The following MYZAP variants were observed in gnomAD, a reference collection of about 807,000 sequenced individuals.
MYZAP encodes GRINL1A complex locus upstream.
In MYZAP, 66 loss-of-function variants were observed where a neutral mutation model predicts 69.4. The ratio of observed to expected loss-of-function variants is 0.95; its 90% CI spans 0.78 to 1.17. The LOEUF (loss-of-function observed/expected upper bound fraction) is 1.17, where lower values mean the gene tolerates loss of function less well. Ranked by LOEUF, MYZAP falls within the 50% of genes most tolerant of loss-of-function variation. The probability of loss-of-function intolerance (pLI) is 0.00; values close to 1 mark genes in which losing one functional copy is unlikely to be tolerated. For missense variants in MYZAP, 611 were observed against 556.2 expected, an observed-to-expected ratio of 1.10 and a Z score of -0.99; for synonymous variants, 256 against 205.9, an observed-to-expected ratio of 1.24 and a Z score of -2.09.
intron 10 of MYZAP, among the ~76,000 whole-genome samples, chr15:57,656,913 ATCCTACTCCTGTCC>A (rs2038037726): frequency 6.6e-6 from 1 of 152,122 alleles, no homozygotes; most frequent in South Asian, 2.1e-4. Context: ...GCACCCTCAA[ATCCTACTCCTGTCC>A]AGCTCCTTCT....
chr15:57,621,347 A>G (rs1468279462), intron 3 of MYZAP, among the ~76,000 whole-genome samples: 1 of 151,438 alleles, frequency 6.6e-6, no homozygotes, highest in African/African-American at 2.4e-5. Flanking sequence ...AGTAGCTGGG[A>G]CTACAGGTGC....
intron 10 of MYZAP, among the ~76,000 whole-genome samples, chr15:57,654,372 G>C (rs1228590493): frequency 6.6e-6 from 1 of 151,970 alleles, no homozygotes; most frequent in East Asian, 1.9e-4. Flanking sequence ...GCAGGAGGGG[G>C]AGTTGATTCT....
At chr15:57,674,558 T>C (rs1399753311) in intron 11 of MYZAP, among the ~76,000 whole-genome samples, 1 of 152,214 alleles carries the variant, frequency 6.6e-6, no homozygotes, top group African/African-American at 2.4e-5. Flanking sequence ...GTGATAAATA[T>C]CTAAATGCCC....
intron 2 of MYZAP, among the ~76,000 whole-genome samples, chr15:57,617,364 G>A (rs1465488714): frequency 3.9e-5 from 6 of 152,050 alleles, no homozygotes; most frequent in Non-Finnish European, 7.4e-5. Context: ...GCGTGTTAAG[G>A]CTTGGACATG....
At position 57,629,690 on chromosome 15, in the gene MYZAP, T is replaced by G. The variant is rs755738804; in HGVS notation, c.526-12T>G. 7 of 1,604,394 alleles carry G rather than the reference T, an allele frequency of 4.4e-6. No homozygotes were observed. In the South Asian group the frequency reaches 7.8e-5, roughly 18 times the overall value. ...ACCGGATCTGGTTTTGTTTTTATTT[T>G]CATCCTCACAGAAAACCCTCGTGGA... On this transcript the variant is annotated splice_polypyrimidine_tract_variant and intron_variant, in intron 5 of 12. Coordinates refer to ENST00000267853, the MANE Select transcript of MYZAP (RefSeq NM_001018100.5).
intron 5 of MYZAP, among the ~76,000 whole-genome samples, chr15:57,626,700 T>C (rs1368257492): frequency 6.6e-6 from 1 of 152,222 alleles, no homozygotes; most frequent in African/African-American, 2.4e-5. Flanking sequence ...CAAAACCTAT[T>C]TCAAATCCTT....
chr15:57,680,150 G>A (rs1467334935), intron 12 of MYZAP, among the ~76,000 whole-genome samples: 8 of 152,106 alleles, frequency 5.3e-5, no homozygotes, highest in African/African-American at 1.4e-4. Context: ...ATATTTCTGT[G>A]GCTGCAGCCA....
chr15:57,646,700 T>C, intron 10 of MYZAP: 1 of 987,850 alleles, frequency 1.0e-6, no homozygotes, highest in Non-Finnish European at 1.2e-6. Context: ...TATTTGTATA[T>C]GGGAGGTGGC....
At position 57,684,902 on chromosome 15, in the gene MYZAP, A is replaced by G. The variant is rs2039620136; in HGVS notation, c.*404A>G. 6.3e-6 allele frequency: 1 copy of G among 157,722 alleles called. No homozygotes were observed. Among genetic ancestry groups the G allele is most frequent in the African/African-American group, 2.4e-5 (1 of 41,496 alleles). 9.8% of individuals were successfully genotyped at this position (157,722 alleles called of 1,614,324 possible). Reference sequence around the variant, plus strand: ...TAGAGCATGAAGGTTTTGTTTACCCATAAAAGTATTAGAGGCAGCGTTTCT... The same window carrying G: ...TAGAGCATGAAGGTTTTGTTTACCCGTAAAAGTATTAGAGGCAGCGTTTCT... On this transcript the variant is annotated 3_prime_UTR_variant, in exon 13 of 13. Transcript: ENST00000267853.
rs71950892 is a variant in MYZAP at position 57,680,485 on chromosome 15, TCACACA to T, written c.1305-3890_1305-3885del. Among the ~76,000 whole-genome samples, 117 of 143,050 alleles carry T rather than the reference TCACACA, an allele frequency of 8.2e-4. 1 individual carries two copies. The highest frequency in any genetic ancestry group is 2.4e-3 in the Admixed American group (35 of 14,818). 93.8% of individuals were successfully genotyped at this position (143,050 alleles called of 152,430 possible). ...GGGGACTCACTGTGGGTTCAGGAGT[TCACACA>T]CACACACACACACACACACACACAC... On this transcript the variant is annotated intron_variant, in intron 12 of 12. Transcript: ENST00000267853.
chr15:57,673,418 CTT>C (rs1161790822), intron 11 of MYZAP, among the ~76,000 whole-genome samples: 8 of 150,412 alleles, frequency 5.3e-5, no homozygotes, highest in African/African-American at 2.0e-4. Context: ...CTCACTGTCT[CTT>C]TCTCTCTCTC....
At chr15:57,642,979 A>G (rs1239731655) in intron 10 of MYZAP, among the ~76,000 whole-genome samples, 1 of 152,146 alleles carries the variant, frequency 6.6e-6, no homozygotes, top group African/African-American at 2.4e-5. Context: ...TTTCTGTGAA[A>G]TGTGGAACCA....
intron 1 of MYZAP, among the ~76,000 whole-genome samples, chr15:57,603,311 C>CTT (rs11383185): frequency 2.7e-5 from 4 of 149,960 alleles, no homozygotes; most frequent in Non-Finnish European, 5.9e-5. Context: ...GCAGGGACAG[C>CTT]TTTTTTTTTT....
At chr15:57,667,607 G>C (rs1196334213) in intron 11 of MYZAP, among the ~76,000 whole-genome samples, 1 of 152,138 alleles carries the variant, frequency 6.6e-6, no homozygotes, top group Non-Finnish European at 1.5e-5. Context: ...TTGATTTATT[G>C]TATCAAATCG....
intron 2 of MYZAP, among the ~76,000 whole-genome samples, chr15:57,616,320 G>T (rs542907503): frequency 6.6e-6 from 1 of 152,318 alleles, no homozygotes; most frequent in East Asian, 1.9e-4. Context: ...TTTGAGACCA[G>T]ATGGTGAAAC....
intron 11 of MYZAP, among the ~76,000 whole-genome samples, chr15:57,673,901 C>T (rs1179107820): frequency 6.6e-6 from 1 of 152,126 alleles, no homozygotes; most frequent in Non-Finnish European, 1.5e-5. Flanking sequence ...GGTTTCATTT[C>T]TAGTTATGCA....
chr15:57,629,980 T>TTTTTTTTTTTG, intron 6 of MYZAP, 126 bp downstream of exon 6: 3 of 1,247,646 alleles, frequency 2.4e-6, no homozygotes, highest in Non-Finnish European at 3.2e-6. Flanking sequence ...GATTTTTTTT[T>TTTTTTTTTTTG]TTTTTTGAGA....
chr15:57,671,522 G>A (rs1366637614), intron 11 of MYZAP, among the ~76,000 whole-genome samples: 2 of 152,028 alleles, frequency 1.3e-5, no homozygotes, highest in Non-Finnish European at 2.9e-5. Flanking sequence ...AAACCCGTAT[G>A]TTAGGCTTTT....
At chr15:57,620,673 AC>A (rs1316849134) in intron 3 of MYZAP, among the ~76,000 whole-genome samples, 6 of 152,198 alleles carry the variant, frequency 3.9e-5, no homozygotes, top group Non-Finnish European at 5.9e-5. Context: ...TGAGGAACTG[AC>A]TTTCAAATTT....
Sources: gnomAD v4.1 joint callset for allele counts (sites outside exome capture counted in the v4.1 genomes callset) on GRCh38, gnomAD v4.1.1 for gene constraint, MANE v1.5 for transcripts, NCBI Gene and HGNC (gene_info 2026-07-23, HGNC 2026-07-21) for gene names.